Variants in ILDR2 observed in about 807,000 individuals in gnomAD.
ILDR2 encodes immunoglobulin like domain containing receptor 2, also known as immunoglobulin-like domain-containing receptor 2.
Under a neutral mutation model 66.8 loss-of-function variants are expected in ILDR2, and 25 were observed. The ratio of observed to expected loss-of-function variants is 0.37; its 90% confidence interval spans 0.27 to 0.52. ILDR2 has a LOEUF of 0.52. Among genes scored for constraint, ILDR2 ranks in the 20% least tolerant of loss-of-function variants. ILDR2 has a pLI of 0.88. For missense variants in ILDR2, 827 were observed against 876.8 expected, an observed-to-expected ratio of 0.94 and a Z score of 0.72; for synonymous variants, 367 against 357.2, an observed-to-expected ratio of 1.03 and a Z score of -0.31.
At chr1:166,925,375 G>A (rs919669370) in intron 7 of ILDR2, among the ~76,000 whole-genome samples, 1 of 152,202 alleles carries the variant, frequency 6.6e-6, no homozygotes, top group Admixed American at 6.5e-5. Flanking sequence ...TAACTTGCAG[G>A]TTCCAGGAGA....
intron 6 of ILDR2, 46 bp downstream of exon 6, chr1:166,935,255 G>A (rs1209960043): frequency 3.8e-6 from 6 of 1,594,330 alleles, no homozygotes; most frequent in Non-Finnish European, 4.3e-6. Context: ...AACCACTGTG[G>A]GGGCCCGAGA....
Position 166,921,235 on chromosome 1 carries a change from C to G in ILDR2, c.1356G>C (p.Arg452=), listed in dbSNP as rs1379528455. 51 of 1,595,536 alleles carry G rather than the reference C, an allele frequency of 3.2e-5. No homozygotes were observed. Among genetic ancestry groups the G allele is most frequent in the Non-Finnish European group, 4.3e-5 (50 of 1,176,088 alleles). Residue 452 remains arginine, a synonymous_variant, in exon 9 of 10, where the codon CGG becomes CGC. Coordinates refer to ENST00000271417, the MANE Select transcript of ILDR2 (RefSeq NM_199351.3). The surrounding 1 kb of genome is among the most constrained non-coding windows in gnomAD (Gnocchi z 5.3). The part of the protein sequence containing the change: ...RRADGNSHEA[R]GGSRFERSES... ...CCGAGCGCTCGAAGCGGCTCCCGCC[C>G]CGCGCCTCGTGACTGTTGCCGTCTG...
intron 1 of ILDR2, among the ~76,000 whole-genome samples, chr1:166,964,953 G>A (rs896796089): frequency 5.9e-5 from 9 of 152,100 alleles, no homozygotes; most frequent in African/African-American, 2.2e-4. Context: ...AGCATCTTTG[G>A]GAGGCAGATC....
rs751139759 is a variant in ILDR2, at chr1:166,935,433, C to A, written c.748G>T (p.Val250Phe). ...GAGTAAGGGCCGGGGACACCGGAGA[C>A]AGAGGGAGGGTACCCGGCCTTTGCT... ...KAAKAGYPPS[V>F]SGVPGPYSIP... The change falls in exon 6 of 10, where the codon GTC becomes TTC. Residue 250 changes from valine to phenylalanine, a missense_variant. By Grantham distance (50) the Val-to-Phe change is conservative. Around this residue, in one of 2 missense-constraint regions of ILDR2, gnomAD observed 437 missense variants for 523.2 expected, o/e 0.84. Coordinates refer to ENST00000271417, the MANE Select transcript of ILDR2 (RefSeq NM_199351.3). 8.7e-6 allele frequency: 14 copies of A among 1,611,922 alleles called. No homozygotes were observed. The highest frequency in any genetic ancestry group is 8.4e-5 in the Admixed American group (5 of 59,786).
chr1:166,974,255 C>T (rs1410600502), intron 1 of ILDR2, among the ~76,000 whole-genome samples: 1 of 152,138 alleles, frequency 6.6e-6, no homozygotes, highest in East Asian at 1.9e-4. Context: ...GAATGGTTGC[C>T]TCTGACCCAG....
At chr1:166,969,918 G>T (rs1663181506) in intron 1 of ILDR2, among the ~76,000 whole-genome samples, 1 of 152,234 alleles carries the variant, frequency 6.6e-6, no homozygotes, top group Admixed American at 6.5e-5. Flanking sequence ...CTTCTTAAGT[G>T]TAGGTAGGCA....
chr1:166,899,204 C>T (rs1430268638), intron 2 of ILDR2, among the ~76,000 whole-genome samples: 2 of 152,118 alleles, frequency 1.3e-5, no homozygotes, highest in Admixed American at 6.5e-5. Context: ...ACCAGCCTGA[C>T]CAATATGGTG....
At chr1:166,906,175 C>T, downstream of ILDR2, among the ~76,000 whole-genome samples, 1 of 152,188 alleles carries the variant, frequency 6.6e-6, no homozygotes, top group East Asian at 1.9e-4. Context: ...TTTAGTTAAG[C>T]TCACACTACA....
chr1:166,922,745 GA>G lies in ILDR2; in HGVS notation c.1058del (p.Phe353SerfsTer4). ...HEEDSNFRQS[F>X]HQMRSKQFPV... is the part of the protein sequence containing the mutation. ...GGAACTGCTTGCTTCTCATCTGATG[GA>G]AAGACTGGCGGAAATTGCTGTCCTC... On this transcript the variant is annotated frameshift_variant, in exon 8 of 10. Transcript: ENST00000271417. LOFTEE classifies it high-confidence loss of function. 6.2e-7 allele frequency: 1 copy of G among 1,614,232 alleles called. No homozygotes were observed. Among genetic ancestry groups the G allele is most frequent in the Non-Finnish European group, 8.5e-7 (1 of 1,180,044 alleles).
At chr1:166,925,336 A>G (rs1220915610) in intron 7 of ILDR2, among the ~76,000 whole-genome samples, 1 of 152,212 alleles carries the variant, frequency 6.6e-6, no homozygotes, top group African/African-American at 2.4e-5. Context: ...CAGTATTCCT[A>G]CTTTATCTCT....
chr1:166,940,546 A>G (rs182204735), intron 3 of ILDR2, among the ~76,000 whole-genome samples: 9 of 152,306 alleles, frequency 5.9e-5, no homozygotes, highest in Admixed American at 2.6e-4. Context: ...ACTAAATTCT[A>G]CTTCATTTAG....
chr1:166,957,740 T>C, intron 2 of ILDR2, 29 bp downstream of exon 2: 1 of 1,563,740 alleles, frequency 6.4e-7, no homozygotes, highest in Non-Finnish European at 8.7e-7. Flanking sequence ...CCCTCCCATT[T>C]CCTAGATTCA....
intron 6 of ILDR2, among the ~76,000 whole-genome samples, chr1:166,933,776 G>A (rs1355990140): frequency 1.3e-5 from 2 of 152,184 alleles, no homozygotes; most frequent in Non-Finnish European, 2.9e-5. Flanking sequence ...CATGGAAATG[G>A]ACTACATCGT....
chr1:166,965,914 T>G (rs972184670), intron 1 of ILDR2, among the ~76,000 whole-genome samples: 1 of 152,138 alleles, frequency 6.6e-6, no homozygotes, highest in African/African-American at 2.4e-5. Context: ...AGGAGATGAA[T>G]AGGGAGATGA....
chr1:166,932,105 AC>A (rs1445303954), intron 6 of ILDR2, among the ~76,000 whole-genome samples: 1 of 152,240 alleles, frequency 6.6e-6, no homozygotes, highest in Non-Finnish European at 1.5e-5. Context: ...GTGGAAGAAC[AC>A]CCAGCATACA....
At chr1:166,966,319 T>C (rs532426645) in intron 1 of ILDR2, among the ~76,000 whole-genome samples, 1 of 152,334 alleles carries the variant, frequency 6.6e-6, no homozygotes, top group African/African-American at 2.4e-5. Flanking sequence ...TACCATGATA[T>C]ACCTGATTGC....
At chr1:166,903,554 G>T (rs1400611730), downstream of ILDR2, among the ~76,000 whole-genome samples, 1 of 152,200 alleles carries the variant, frequency 6.6e-6, no homozygotes, top group Non-Finnish European at 1.5e-5. Context: ...GGGAAATTTA[G>T]TCTCTGGTTA....
intron 1 of ILDR2, among the ~76,000 whole-genome samples, chr1:166,969,848 C>A (rs999797495): frequency 1.3e-5 from 2 of 152,186 alleles, no homozygotes; most frequent in South Asian, 2.1e-4. Context: ...ATTTCTTATT[C>A]TTTTAACCAG....
At chr1:166,953,938 T>G (rs1662129291) in intron 3 of ILDR2, among the ~76,000 whole-genome samples, 1 of 152,218 alleles carries the variant, frequency 6.6e-6, no homozygotes, top group Non-Finnish European at 1.5e-5. Flanking sequence ...TGTCTCCAGC[T>G]CTTCTTTTAC....
Sources: allele counts gnomAD v4.1 joint callset (sites outside exome capture counted in the v4.1 genomes callset), GRCh38; gene constraint gnomAD v4.1.1; regional missense constraint gnomAD v4.1.1; non-coding constraint Gnocchi (gnomAD v3.1); transcripts MANE v1.5; gene names NCBI Gene and HGNC (gene_info 2026-07-23, HGNC 2026-07-21).